The following LRP1B variants were observed in gnomAD, a reference collection of about 807,000 sequenced individuals.
LRP1B encodes low-density lipoprotein receptor-related protein 1B.
Under a neutral mutation model 556.6 loss-of-function variants are expected in LRP1B, and 217 were observed. The ratio of observed to expected loss-of-function variants is 0.39; its 90% CI spans 0.35 to 0.44. The LOEUF (loss-of-function observed/expected upper bound fraction) is 0.44. Ranked by LOEUF, LRP1B falls within the 20% of genes least tolerant of loss-of-function variation. The pLI is 1.00. For missense variants in LRP1B, 5,053 were observed against 5,620.8 expected, an observed-to-expected ratio of 0.90 and a Z score of 3.23; for synonymous variants, 2,047 against 1,865.8, an observed-to-expected ratio of 1.10 and a Z score of -2.50.
rs549972166 is a variant in LRP1B, at chr2:140,887,922, G to A, written c.3767-1587C>T. Among the ~76,000 whole-genome samples, 22 of 152,206 alleles carry A rather than the reference G, an allele frequency of 1.4e-4. 2 individuals carry two copies. In the Middle Eastern group the frequency reaches 0.01, roughly 71 times the overall value. ...ATTAACAGGAAGTGATTGCAAATGG[G>A]CATGGGGTTTGTTTTGGGGTGATTA... On this transcript the variant is annotated intron_variant, in intron 23 of 90. Coordinates refer to ENST00000389484, the MANE Select transcript of LRP1B (RefSeq NM_018557.3).
intron 37 of LRP1B, among the ~76,000 whole-genome samples, chr2:140,705,801 G>A (rs970284944): frequency 1.3e-5 from 2 of 152,064 alleles, no homozygotes; most frequent in African/African-American, 4.8e-5. Context: ...ATCATTATAT[G>A]TGAAGCCAAA....
chr2:140,807,763 C>G (rs1690772066), intron 32 of LRP1B, among the ~76,000 whole-genome samples: 1 of 152,094 alleles, frequency 6.6e-6, no homozygotes, highest in Non-Finnish European at 1.5e-5. Flanking sequence ...CTAGTTATTA[C>G]TGTATATTAG....
At chr2:140,511,976 T>TTGTA (rs1327358708) in intron 51 of LRP1B, among the ~76,000 whole-genome samples, 1 of 152,174 alleles carries the variant, frequency 6.6e-6, no homozygotes, top group Non-Finnish European at 1.5e-5. Flanking sequence ...ATTCAATGCT[T>TTGTA]TGTATAACAT....
At chr2:140,628,177 A>G (rs1023017764) in intron 41 of LRP1B, among the ~76,000 whole-genome samples, 3 of 152,158 alleles carry the variant, frequency 2.0e-5, no homozygotes, top group Non-Finnish European at 4.4e-5. Flanking sequence ...TGTGTGTGAC[A>G]GAGAGACAGA....
At chr2:141,988,707 T>C (rs1030487656) in intron 1 of LRP1B, among the ~76,000 whole-genome samples, 1 of 152,014 alleles carries the variant, frequency 6.6e-6, no homozygotes, top group Non-Finnish European at 1.5e-5. Flanking sequence ...TGGTGCTCCT[T>C]AGTTGATGCT....
intron 2 of LRP1B, among the ~76,000 whole-genome samples, chr2:141,546,821 A>G (rs1034268368): frequency 1.3e-5 from 2 of 152,110 alleles, no homozygotes; most frequent in East Asian, 3.9e-4. Flanking sequence ...TGCTCCTTCA[A>G]CATATCCAAC....
chr2:142,111,196 A>G (rs1324368525), intron 1 of LRP1B, among the ~76,000 whole-genome samples: 2 of 152,132 alleles, frequency 1.3e-5, no homozygotes, highest in African/African-American at 4.8e-5. Context: ...TTAGGAAGTC[A>G]CTTTGAGTTG....
chr2:141,884,486 C>G (rs1699050339), intron 1 of LRP1B, among the ~76,000 whole-genome samples: 1 of 152,098 alleles, frequency 6.6e-6, no homozygotes, highest in African/African-American at 2.4e-5. Context: ...ATTTACCAAA[C>G]GAAATATGTG....
At chr2:141,971,699 T>TA (rs1189591572) in intron 1 of LRP1B, among the ~76,000 whole-genome samples, 2 of 151,474 alleles carry the variant, frequency 1.3e-5, no homozygotes, top group African/African-American at 2.4e-5. Context: ...AAGTTACCAG[T>TA]AAAAAATGGT....
At position 141,700,963 on chromosome 2, in the gene LRP1B, A is replaced by AT. The variant is rs550969254; in HGVS notation, c.205+109315dup. ...AAGGGCATCAGCAGCTAGGTTTGAG[A>AT]TTTTGATATCATATCTCCTCAAGTT... On this transcript the variant is annotated intron_variant, in intron 2 of 90. Coordinates refer to ENST00000389484, the MANE Select transcript of LRP1B (RefSeq NM_018557.3). Among the ~76,000 whole-genome samples, 32 of 151,904 alleles carry AT rather than the reference A, an allele frequency of 2.1e-4. 2 individuals are homozygous for AT. In the South Asian group the frequency reaches 6.2e-3, roughly 30 times the overall value.
intron 3 of LRP1B, among the ~76,000 whole-genome samples, chr2:141,442,498 T>C (rs958307868): frequency 6.6e-5 from 10 of 151,738 alleles, no homozygotes; most frequent in African/African-American, 2.4e-4. Flanking sequence ...GTTACATAGT[T>C]ATACAAGTGC....
intron 84 of LRP1B, among the ~76,000 whole-genome samples, chr2:140,288,734 T>C (rs1397928990): frequency 6.6e-6 from 1 of 151,876 alleles, no homozygotes. Flanking sequence ...TGCATTGTTT[T>C]TTTTTCAGGG....
In LRP1B at chr2:141,123,242, A is replaced by T. The variant is rs184100011; in HGVS notation, c.1014-60969T>A. 3.3e-3 allele frequency among the ~76,000 whole-genome samples: 447 copies of T among 136,064 alleles called. 2 individuals are homozygous for T. The highest frequency in any genetic ancestry group is 5.6e-3 in the Non-Finnish European group (347 of 62,116). 89.3% of individuals were successfully genotyped at this position (136,064 alleles called of 152,430 possible). A position where few individuals can be genotyped will look rare whatever the true frequency, so the allele number is the denominator to read the frequency against. ...TGTACCCTAGAACTTAAAGTATAATAAAAAAAAATAAATAAATAAATAAAA... is the reference window on the plus strand; with the variant it reads ...TGTACCCTAGAACTTAAAGTATAATTAAAAAAAATAAATAAATAAATAAAA... On this transcript the variant is annotated intron_variant, in intron 7 of 90. Transcript: ENST00000389484.
chr2:140,517,482 A>T (rs1485850), intron 49 of LRP1B, among the ~76,000 whole-genome samples: 1 of 151,712 alleles, frequency 6.6e-6, no homozygotes, highest in African/African-American at 2.4e-5. Context: ...TTCTGTGGCC[A>T]TCTATTTGGA....
At chr2:141,655,391 A>G (rs1018492914) in intron 2 of LRP1B, among the ~76,000 whole-genome samples, 15 of 152,294 alleles carry the variant, frequency 9.8e-5, no homozygotes, top group African/African-American at 3.1e-4. Context: ...CCCTGATGTT[A>G]TTAGACTAAA....
chr2:141,644,118 C>A (rs571901419), intron 2 of LRP1B, among the ~76,000 whole-genome samples: 2 of 150,876 alleles, frequency 1.3e-5, no homozygotes, highest in Non-Finnish European at 2.9e-5. Context: ...ATTCCAAAAC[C>A]CTTTTCCCCC....
intron 32 of LRP1B, among the ~76,000 whole-genome samples, chr2:140,781,560 G>C (rs1286219695): frequency 1.3e-5 from 2 of 152,144 alleles, no homozygotes; most frequent in African/African-American, 2.4e-5. Context: ...GGAGACAAGA[G>C]TAGTAAGGTC....
chr2:140,376,010 T>C (rs749399826), intron 68 of LRP1B, among the ~76,000 whole-genome samples: 60 of 150,188 alleles, frequency 4.0e-4, no homozygotes, highest in Middle Eastern at 3.5e-3. Context: ...TCTAGCCACT[T>C]GTTCAGTTTT....
intron 3 of LRP1B, among the ~76,000 whole-genome samples, chr2:141,333,883 T>C (rs981435136): frequency 6.6e-6 from 1 of 152,170 alleles, no homozygotes; most frequent in Non-Finnish European, 1.5e-5. Flanking sequence ...ATGTGTATGA[T>C]ATGAGTGTAT....
Sources: allele counts gnomAD v4.1 joint callset (sites outside exome capture counted in the v4.1 genomes callset), GRCh38; gene constraint gnomAD v4.1.1; transcripts MANE v1.5; gene names NCBI Gene and HGNC (gene_info 2026-07-23, HGNC 2026-07-21).